Variants in TMEM80 observed in about 807,000 individuals in gnomAD.
TMEM80 encodes transmembrane protein 80.
In TMEM80, 16 loss-of-function variants were observed where a neutral mutation model predicts 13.6. The observed-to-expected ratio is 1.17, with a 90% CI of 0.79 to 1.78. The LOEUF (loss-of-function observed/expected upper bound fraction) is 1.78. TMEM80 is among the 40% of genes most tolerant of loss of function. TMEM80 has a pLI of 0.00. For missense variants in TMEM80, 167 were observed against 184.6 expected (o/e 0.90, Z 0.55); for synonymous variants, 92 against 89.5 (o/e 1.03, Z -0.16).
At chr11:695,948 G>A (rs1344709074) in intron 1 of TMEM80, 102 bp downstream of exon 1, 2 of 924,930 alleles carry the variant, frequency 2.2e-6, no homozygotes, top group Admixed American at 4.3e-5. Flanking sequence ...TCACGGGGCC[G>A]TGCCACCGTC....
chr11:695,904 T>G (rs1195369456), intron 1 of TMEM80, 58 bp downstream of exon 1: 26 of 1,190,190 alleles, frequency 2.2e-5, no homozygotes, highest in Non-Finnish European at 2.5e-5. Flanking sequence ...GGCGTTTCCC[T>G]GTGGTGACAA....
At position 696,000 on chromosome 11, in the gene TMEM80, C is replaced by CGGCCT. The variant is rs199591823; in HGVS notation, c.19+167_19+171dup. 6.2e-3 allele frequency among the ~76,000 whole-genome samples: 938 copies of CGGCCT among 152,178 alleles called. 48 individuals carry two copies. The East Asian group carries it at 0.13, about 21-fold the overall frequency. On this transcript the variant is annotated intron_variant, in intron 1 of 4. Transcript: ENST00000397510. Reference sequence around the variant, plus strand: ...AGCTCCGTCACCCCATCGAGAAGCGCGGCCTGGCCTGGCCTGGGTGGCGGG... The same window carrying CGGCCT: ...AGCTCCGTCACCCCATCGAGAAGCGCGGCCTGGCCTGGCCTGGCCTGGGTGGCGGG...
At chr11:702,330 C>T (rs147453931) in intron 4 of TMEM80, among the ~76,000 whole-genome samples, 300 of 152,352 alleles carry the variant, frequency 2.0e-3, no homozygotes, top group African/African-American at 6.8e-3. Context: ...CACAGAGGCC[C>T]GGTTCTTGGC....
At chr11:697,018 G>T (rs571420298) in intron 1 of TMEM80, among the ~76,000 whole-genome samples, 13 of 151,652 alleles carry the variant, frequency 8.6e-5, no homozygotes, top group Non-Finnish European at 1.5e-5. Context: ...GTGGTGGTGG[G>T]GGGGGTGGGG....
chr11:701,920 G>T (rs971567806), intron 4 of TMEM80, among the ~76,000 whole-genome samples: 3 of 152,210 alleles, frequency 2.0e-5, no homozygotes, highest in African/African-American at 7.2e-5. Flanking sequence ...TGGCCAGCGG[G>T]GTGCAGACTT....
rs1321867006 is a variant in TMEM80 at position 703,587 on chromosome 11, G to C, written c.*437G>C. 15 of 1,233,268 alleles carry C rather than the reference G, an allele frequency of 1.2e-5. No individual in the cohort carries two copies. The highest frequency in any genetic ancestry group is 1.4e-5 in the Non-Finnish European group (14 of 989,026). The allele number at this position is 1,233,268 out of a possible 1,614,324, so 76.4% of individuals were successfully genotyped here. ...TCCTAATTTGTGTTCTGAGATCCCAGTTTACTCCGTGGCCAGGCCCCACCT... is the reference window on the plus strand; with the variant it reads ...TCCTAATTTGTGTTCTGAGATCCCACTTTACTCCGTGGCCAGGCCCCACCT... On this transcript the variant is annotated 3_prime_UTR_variant, in exon 5 of 5. Transcript: ENST00000397510.
Position 701,406 on chromosome 11 carries a change from C to CTTT in TMEM80, c.226+719_226+721dup, listed in dbSNP as rs71022955. Among the ~76,000 whole-genome samples the CTTT allele has an allele frequency of 5.0e-3, 326 of 64,892 alleles. 12 individuals are homozygous for CTTT. The highest frequency in any genetic ancestry group is 0.015 in the African/African-American group (238 of 16,078). The allele number at this position is 64,892 out of a possible 152,430, so 42.6% of individuals were successfully genotyped here. Reference sequence around the variant, plus strand: ...TTTTGGTAGAGACGAGACAAGGTTTCTTTTTTTTTTTTTTTTTTTTTTGAG... The same window carrying CTTT: ...TTTTGGTAGAGACGAGACAAGGTTTCTTTTTTTTTTTTTTTTTTTTTTTTTGAG... On this transcript the variant is annotated intron_variant, in intron 4 of 4. Coordinates refer to ENST00000397510, the MANE Select transcript of TMEM80 (RefSeq NM_001042463.3).
At chr11:695,805 G>T, upstream of TMEM80, 2 of 1,234,476 alleles carry the variant, frequency 1.6e-6, no homozygotes, top group African/African-American at 3.1e-5. Flanking sequence ...GATCGCGACG[G>T]ACCGGCGGGC....
In TMEM80 at chr11:703,370, T is replaced by C. The variant is rs1590040202; in HGVS notation, c.*220T>C. The C allele has an allele frequency of 2.2e-6, 3 of 1,389,168 alleles. No homozygotes were observed. Among genetic ancestry groups the C allele is most frequent in the Non-Finnish European group, 2.8e-6 (3 of 1,076,340 alleles). The allele number at this position is 1,389,168 out of a possible 1,614,324, so 86.1% of individuals were successfully genotyped here. ...GTGTTGGGAACAGCTGCGGGGAGGG[T>C]AGGGACCAGACAGAACTGCCTTCAA... On this transcript the variant is annotated 3_prime_UTR_variant, in exon 5 of 5. Transcript: ENST00000397510.
chr11:696,307 G>A lies in TMEM80; in HGVS notation c.19+461G>A, dbSNP rs535741618. The stretch of plus-strand genomic sequence containing the variant: ...AAATCGGCCATCCTGCAGAGGAGCC[G>A]CCTTCTGCTGTCTGTGGGTACAGCC... On this transcript the variant is annotated intron_variant, in intron 1 of 4. Transcript: ENST00000397510. Among the ~76,000 whole-genome samples, 151 of 152,140 alleles carry A rather than the reference G, an allele frequency of 9.9e-4. 1 individual carries two copies. Among genetic ancestry groups the A allele is most frequent in the African/African-American group, 3.5e-3 (146 of 41,506 alleles).
Position 703,855 on chromosome 11 carries a change from G to A in TMEM80, c.*705G>A, listed in dbSNP as rs772222145. The A allele has an allele frequency of 6.6e-5, 81 of 1,236,444 alleles. No homozygotes were observed. The Middle Eastern group carries it at 9.3e-4, about 14-fold the overall frequency. The allele number at this position is 1,236,444 out of a possible 1,614,324, so 76.6% of individuals were successfully genotyped here. On this transcript the variant is annotated 3_prime_UTR_variant, in exon 5 of 5. Coordinates refer to ENST00000397510, the MANE Select transcript of TMEM80 (RefSeq NM_001042463.3). ...CGGGGATGAGACTGCAGGAGAGAGA[G>A]CAGCGGAGGGCCACATTCGGAGCCT... is the stretch of plus-strand genomic sequence containing the variant.
At chr11:700,503 G>A in intron 3 of TMEM80, 112 bp from the exon 4 acceptor site, 1 of 908,496 alleles carries the variant, frequency 1.1e-6, no homozygotes, top group Non-Finnish European at 1.8e-6. Context: ...CTCCATCCTG[G>A]GTGACAGAGC....
At chr11:704,773 G>C (rs2133483404), downstream of TMEM80, 1 of 665,902 alleles carries the variant, frequency 1.5e-6, no homozygotes, top group African/African-American at 1.9e-5. Flanking sequence ...ACTGTCTCCT[G>C]AGGGCAGGCT....
chr11:701,466 A>G (rs1458791139), intron 4 of TMEM80, among the ~76,000 whole-genome samples: 11 of 131,574 alleles, frequency 8.4e-5, no homozygotes, highest in Admixed American at 4.5e-4. Context: ...GCTGGAGTGC[A>G]GTGGCGTGAA....
In TMEM80 at chr11:704,021, A is replaced by C; in HGVS notation, c.*871A>C. The C allele has an allele frequency of 1.7e-6, 2 of 1,194,060 alleles. No homozygotes were observed. The highest frequency in any genetic ancestry group is 2.1e-6 in the Non-Finnish European group (2 of 962,952). The allele number at this position is 1,194,060 out of a possible 1,614,324, so 74.0% of individuals were successfully genotyped here. A position where few individuals can be genotyped will look rare whatever the true frequency, so the allele number is the denominator to read the frequency against. On this transcript the variant is annotated 3_prime_UTR_variant, in exon 5 of 5. Coordinates refer to ENST00000397510, the MANE Select transcript of TMEM80 (RefSeq NM_001042463.3). ...AAGCTGTTACAGTAGCTTTCCCTTC[A>C]CTTGATTCTATTGTGTGTTTTCTAT...
intron 2 of TMEM80, chr11:699,245 G>A (rs559882161): frequency 4.3e-5 from 14 of 327,240 alleles, no homozygotes; most frequent in Non-Finnish European, 5.2e-5. Context: ...TTTTTTTAAG[G>A]ACAGAGCCTT....
At chr11:704,414 C>T (rs1449454833), downstream of TMEM80, 2 of 1,280,770 alleles carry the variant, frequency 1.6e-6, no homozygotes, top group African/African-American at 1.5e-5. Flanking sequence ...CCTGGGCCGA[C>T]TTCCTTTGAC....
At chr11:704,870 C>G, downstream of TMEM80, 3 of 358,320 alleles carry the variant, frequency 8.4e-6, no homozygotes, top group South Asian at 6.3e-5. Context: ...GCCTGTTTCC[C>G]ACTTGGCCAC....
chr11:700,067 C>G (rs1861373270), intron 2 of TMEM80, 75 bp from the exon 3 acceptor site: 1 of 1,226,554 alleles, frequency 8.2e-7, no homozygotes, highest in Admixed American at 1.8e-5. Flanking sequence ...ATGACAGAAC[C>G]AGCCCCTCTT....
Sources: gnomAD v4.1 joint callset for allele counts (sites outside exome capture counted in the v4.1 genomes callset) on GRCh38, gnomAD v4.1.1 for gene constraint, MANE v1.5 for transcripts, NCBI Gene and HGNC (gene_info 2026-07-23, HGNC 2026-07-21) for gene names.